Variants in PPRC1 observed in about 807,000 individuals in gnomAD.
PPRC1 encodes peroxisome proliferator-activated receptor gamma coactivator-related protein 1.
Under a neutral mutation model 132.5 loss-of-function variants are expected in PPRC1, and 23 were observed. That is an observed-to-expected ratio of 0.17 (90% CI 0.12 to 0.25). The LOEUF is 0.25. Among genes scored for constraint, PPRC1 ranks in the 10% least tolerant of loss-of-function variants. The pLI is 1.00. For missense variants in PPRC1, 2,006 were observed against 2,089.1 expected (o/e 0.96, Z 0.78); for synonymous variants, 872 against 833.5 (o/e 1.05, Z -0.80).
chr10:102,139,126 T>C lies in PPRC1; in HGVS notation c.618T>C (p.Ser206=). ...SGVEMSLPDP[S]WDFSPPSFLE... ...TTGAAATGTCTCTTCCAGATCCCTC[T>C]TGGGACTTCTCCCCACCCTCTTTCT... The change falls in exon 5 of 14, where the codon TCT becomes TCC. Residue 206 remains serine (S), a synonymous_variant. Coordinates refer to ENST00000278070, the MANE Select transcript of PPRC1 (RefSeq NM_015062.5). 6 of 1,611,030 alleles carry C rather than the reference T, an allele frequency of 3.7e-6. No homozygotes were observed. Among genetic ancestry groups the C allele is most frequent in the Non-Finnish European group, 5.1e-6 (6 of 1,178,234 alleles).
At position 102,143,473 on chromosome 10, in the gene PPRC1, C is replaced by T. The variant is rs150164897; in HGVS notation, c.3550+375C>T. Among the ~76,000 whole-genome samples the T allele has an allele frequency of 1.2e-3, 180 of 152,024 alleles. 5 individuals are homozygous for T. The East Asian group carries it at 0.031, about 26-fold the overall frequency. On this transcript the variant is annotated intron_variant, in intron 6 of 13. Transcript: ENST00000278070. Reference sequence around the variant, plus strand: ...AATTAGCTGGGCGAGGTGGCGGGCACCTGTAATCCCAGTTACTCGGGAGGC... The same window carrying T: ...AATTAGCTGGGCGAGGTGGCGGGCATCTGTAATCCCAGTTACTCGGGAGGC...
At position 102,146,741 on chromosome 10, in the gene PPRC1, A is replaced by C. The variant is rs758511496; in HGVS notation, c.3749A>C (p.Lys1250Thr). 1 of 1,613,848 alleles carries C rather than the reference A, an allele frequency of 6.2e-7. No homozygotes were observed. Among genetic ancestry groups the C allele is most frequent in the East Asian group, 2.2e-5 (1 of 44,872 alleles). ...CTGGCTGCTGTCTCACTGCTGGCCA[A>C]AGCCAAATCTCCTAAGTCCACCGCC... Reference protein sequence around the residue: ...KPLAAVSLLAKAKSPKSTAQE... With the variant: ...KPLAAVSLLATAKSPKSTAQE... Residue 1250 changes from lysine (K) to threonine (T), a missense_variant, in exon 9 of 14, where the codon AAA becomes ACA. Physicochemically the swap from Lys to Thr is moderately conservative, Grantham distance 78. Around this residue, in one of 2 missense-constraint regions of PPRC1, gnomAD observed 1,914 missense variants for 1,917.2 expected, o/e 1.00. Coordinates refer to ENST00000278070, the MANE Select transcript of PPRC1 (RefSeq NM_015062.5).
chr10:102,137,347 C>T (rs2068764303), intron 1 of PPRC1, among the ~76,000 whole-genome samples: 1 of 152,062 alleles, frequency 6.6e-6, no homozygotes, highest in Non-Finnish European at 1.5e-5. Flanking sequence ...GCAGAAAAGT[C>T]TGTGATTTTA....
chr10:102,141,879 C>T lies in PPRC1; in HGVS notation c.3371C>T (p.Pro1124Leu). The T allele has an allele frequency of 6.2e-7, 1 of 1,614,152 alleles. No homozygotes were observed. The highest frequency in any genetic ancestry group is 1.3e-5 in the African/African-American group (1 of 75,048). The change falls in exon 5 of 14, where the codon CCA becomes CTA. Residue 1124 changes from proline to leucine, a missense_variant. Physicochemically the swap from Pro to Leu is moderately conservative, Grantham distance 98. This residue lies in a region of PPRC1 where 1,914 missense variants were observed against 1,917.2 expected (regional missense o/e 1.00). Coordinates refer to ENST00000278070, the MANE Select transcript of PPRC1 (RefSeq NM_015062.5). ...CCTGCTACCAAGGCTGTTCCCACAC[C>T]AAGGCAGAGCACTGTCCCCAAGCTG... ...PLPATKAVPT[P>L]RQSTVPKLPA...
chr10:102,133,341 G>C, intron 1 of PPRC1, 120 bp downstream of exon 1: 1 of 937,748 alleles, frequency 1.1e-6, no homozygotes. Flanking sequence ...GGCCGCGGGA[G>C]CCGGGCCGGA....
rs150193173 is a variant in PPRC1, at chr10:102,141,011, G to T, written c.2503G>T (p.Val835Leu). The T allele has an allele frequency of 6.2e-7, 1 of 1,614,146 alleles. No individual in the cohort carries two copies. Among genetic ancestry groups the T allele is most frequent in the Non-Finnish European group, 8.5e-7 (1 of 1,180,036 alleles). ...TGCTTCTCCTAGTCCTGAGCCACCT[G>T]TAAGCAAACCTGTGGCCTCATCTCC... ...SPASPSPEPPVSKPVASSPTE... is the reference protein window; with the variant it reads ...SPASPSPEPPLSKPVASSPTE... The change falls in exon 5 of 14, where the codon GTA becomes TTA. Residue 835 changes from valine to leucine, a missense_variant. By Grantham distance (32) the Val-to-Leu change is conservative. This residue lies in a region of PPRC1 where 1,914 missense variants were observed against 1,917.2 expected (regional missense o/e 1.00). Coordinates refer to ENST00000278070, the MANE Select transcript of PPRC1 (RefSeq NM_015062.5).
chr10:102,146,623 G>A (rs200838176), intron 8 of PPRC1, 49 bp from the exon 9 acceptor site: 455 of 1,550,194 alleles, frequency 2.9e-4, no homozygotes, highest in Non-Finnish European at 3.8e-4. Context: ...ATTTGGAAGC[G>A]TAGAATCGGA....
At chr10:102,147,601 G>A (rs2069319934) in intron 9 of PPRC1, among the ~76,000 whole-genome samples, 1 of 152,150 alleles carries the variant, frequency 6.6e-6, no homozygotes, top group Non-Finnish European at 1.5e-5. Context: ...TGGAGCTTGG[G>A]GTGTCAGGTC....
chr10:102,127,473 C>T, the PPRC1 span, among the ~76,000 whole-genome samples: 1 of 152,190 alleles, frequency 6.6e-6, no homozygotes, highest in Non-Finnish European at 1.5e-5. Context: ...GTTGCACGAT[C>T]TCGGCTCACT....
chr10:102,138,077 G>A, intron 2 of PPRC1, 39 bp downstream of exon 2: 1 of 1,589,094 alleles, frequency 6.3e-7, no homozygotes, highest in Non-Finnish European at 8.6e-7. Context: ...CAAGCAGGAG[G>A]TTTACATGGG....
intron 8 of PPRC1, among the ~76,000 whole-genome samples, chr10:102,145,703 A>T (rs186416631): frequency 6.6e-6 from 1 of 151,226 alleles, no homozygotes; most frequent in African/African-American, 2.4e-5. Flanking sequence ...TCTCTACTAA[A>T]AATACAAAAA....
intron 1 of PPRC1, among the ~76,000 whole-genome samples, chr10:102,135,931 G>A (rs1310571893): frequency 2.0e-5 from 3 of 152,170 alleles, no homozygotes; most frequent in Non-Finnish European, 4.4e-5. Flanking sequence ...GAGCTGTGCT[G>A]TTTGGGAATT....
Position 102,147,078 on chromosome 10 carries a change from G to C in PPRC1, c.4086G>C (p.Gln1362His). The stretch of plus-strand genomic sequence containing the variant: ...TTGATCACAGGACTAGCAGTGAGCA[G>C]GCAGATCCCTCAGCACCCTGCCTTG... Reference protein sequence around the residue: ...EPLDHRTSSEQADPSAPCLAP... With the variant: ...EPLDHRTSSEHADPSAPCLAP... The change falls in exon 9 of 14, where the codon CAG (glutamine) becomes CAC (histidine). Residue 1362 changes from glutamine to histidine, a missense_variant. Around this residue, in one of 2 missense-constraint regions of PPRC1, gnomAD observed 1,914 missense variants for 1,917.2 expected, o/e 1.00. Transcript: ENST00000278070. 6.2e-7 allele frequency: 1 copy of C among 1,614,166 alleles called. No individual in the cohort carries two copies. Among genetic ancestry groups the C allele is most frequent in the Non-Finnish European group, 8.5e-7 (1 of 1,180,028 alleles).
chr10:102,133,108 C>T lies in PPRC1; in HGVS notation c.40C>T (p.Pro14Ser). ...RRGRRDGVAP[P>S]PSGGPGPDPG... is the part of the protein sequence containing the mutation. Reference sequence around the variant, plus strand: ...GGGACGGAGAGACGGAGTCGCGCCGCCCCCGAGTGGGGGCCCCGGTCCGGA... The same window carrying T: ...GGGACGGAGAGACGGAGTCGCGCCGTCCCCGAGTGGGGGCCCCGGTCCGGA... The change falls in exon 1 of 14, where the codon CCC becomes TCC. Residue 14 changes from proline to serine, a missense_variant. Around this residue, in one of 2 missense-constraint regions of PPRC1, gnomAD observed 1,914 missense variants for 1,917.2 expected, o/e 1.00. Transcript: ENST00000278070. 1 of 1,245,098 alleles carries T rather than the reference C, an allele frequency of 8.0e-7. No individual in the cohort carries two copies. The highest frequency in any genetic ancestry group is 1.0e-6 in the Non-Finnish European group (1 of 988,498). The allele number at this position is 1,245,098 out of a possible 1,614,324, so 77.1% of individuals were successfully genotyped here.
chr10:102,143,840 A>C (rs149285123), intron 6 of PPRC1, among the ~76,000 whole-genome samples: 1 of 152,208 alleles, frequency 6.6e-6, no homozygotes, highest in Non-Finnish European at 1.5e-5. Context: ...GGAGGACACT[A>C]TCTTCTTCTC....
At chr10:102,133,667 A>AG (rs2133582230) in intron 1 of PPRC1, among the ~76,000 whole-genome samples, 1 of 148,976 alleles carries the variant, frequency 6.7e-6, no homozygotes, top group East Asian at 2.0e-4. Context: ...CTCCTGGTGG[A>AG]GGGGGGCGCA....
intron 6 of PPRC1, 127 bp downstream of exon 6, chr10:102,143,225 G>A (rs1448484198): frequency 2.5e-6 from 2 of 789,858 alleles, no homozygotes; most frequent in Non-Finnish European, 4.1e-6. Context: ...CCCCTAATTG[G>A]AAGAGAGAGA....
chr10:102,120,581 C>G, the PPRC1 span: 1 of 180,876 alleles, frequency 5.5e-6, no homozygotes, highest in East Asian at 1.9e-4. Context: ...GGAGAGCGCG[C>G]AGCAAGCGAC....
At chr10:102,144,833 G>A in intron 7 of PPRC1, 187 bp from the exon 8 acceptor site, 1 of 594,198 alleles carries the variant, frequency 1.7e-6, no homozygotes, top group South Asian at 2.1e-5. Context: ...ATTGGGCAGG[G>A]CTCAGTTGAG....
Sources: gnomAD v4.1 joint callset for allele counts (sites outside exome capture counted in the v4.1 genomes callset) on GRCh38, gnomAD v4.1.1 for gene constraint, gnomAD v4.1.1 regional missense constraint, MANE v1.5 for transcripts, NCBI Gene and HGNC (gene_info 2026-07-23, HGNC 2026-07-21) for gene names.